Variants in AKR1E2 observed in about 807,000 individuals in gnomAD.
AKR1E2 encodes 1,5-anhydro-D-fructose reductase.
AKR1E2 carries 43 observed loss-of-function variants against 41.9 expected under a neutral mutation model. That is an observed-to-expected ratio of 1.03 (90% confidence interval 0.80 to 1.32). The LOEUF is 1.32. AKR1E2 is among the 40% of genes most tolerant of loss of function. AKR1E2 has a pLI of 0.00. For synonymous variants in AKR1E2, 121 were observed against 138.9 expected, an observed-to-expected ratio of 0.87 and a Z score of 0.91; for missense variants, 423 against 396.5, an observed-to-expected ratio of 1.07 and a Z score of -0.57.
chr10:4,832,420 C>T (rs977085421), intron 2 of AKR1E2, among the ~76,000 whole-genome samples: 5 of 152,080 alleles, frequency 3.3e-5, no homozygotes, highest in Non-Finnish European at 2.9e-5. Context: ...CTTGGCCAAG[C>T]GGGGAGAATG....
At chr10:4,835,622 TTTTTGTTTTG>T (rs61708526) in intron 3 of AKR1E2, 43 bp from the exon 4 acceptor site, 2 of 1,553,832 alleles carry the variant, frequency 1.3e-6, no homozygotes, top group Non-Finnish European at 8.7e-7. Flanking sequence ...CACATGGTTT[TTTTTGTTTTG>T]TTTTGTTTTG....
intron 5 of AKR1E2, 130 bp from the exon 6 acceptor site, chr10:4,839,599 A>C (rs1833707788): frequency 2.6e-6 from 2 of 772,602 alleles, no homozygotes; most frequent in African/African-American, 3.4e-5. Context: ...CACAACAGAA[A>C]CACTTAGGCC....
the AKR1E2 span, among the ~76,000 whole-genome samples, chr10:4,854,943 G>A: frequency 6.6e-6 from 1 of 152,168 alleles, no homozygotes; most frequent in African/African-American, 2.4e-5. Flanking sequence ...GGAATAATCT[G>A]CCTTGCCCTC....
Position 4,830,729 on chromosome 10 carries a change from C to G in AKR1E2, c.94C>G (p.Arg32Gly). Residue 32 changes from arginine (R) to glycine (G), a missense_variant, in exon 2 of 10, where the codon CGG becomes GGG. By Grantham distance (125) the Arg-to-Gly change is moderately radical (BLOSUM62 -2). Coordinates refer to ENST00000298375, the MANE Select transcript of AKR1E2 (RefSeq NM_001040177.3). Reference protein sequence around the residue: ...AVKEAIDAGYRHFDCAYFYHN... With the variant: ...AVKEAIDAGYGHFDCAYFYHN... ...GAAAGAGGCCATTGACGCAGGGTAC[C>G]GGCACTTCGACTGTGCTTACTTTTA... 1.9e-6 allele frequency: 3 copies of G among 1,614,084 alleles called. No homozygotes were observed. Among genetic ancestry groups the G allele is most frequent in the East Asian group, 2.2e-5 (1 of 44,868 alleles).
intron 9 of AKR1E2, 23 bp from the exon 10 acceptor site, chr10:4,847,465 T>G (rs969105710): frequency 1.2e-6 from 2 of 1,609,686 alleles, no homozygotes; most frequent in African/African-American, 2.7e-5. Context: ...TTCCTATTTT[T>G]GATTTGTTTT....
downstream of AKR1E2, among the ~76,000 whole-genome samples, chr10:4,848,530 G>A (rs941456406): frequency 5.3e-5 from 8 of 152,316 alleles, no homozygotes; most frequent in Admixed American, 2.0e-4. Flanking sequence ...CAACTCACAG[G>A]CCCTTGGCTC....
At chr10:4,841,764 C>T (rs1174782569) in intron 6 of AKR1E2, 21 bp from the exon 7 acceptor site, 2 of 1,593,056 alleles carry the variant, frequency 1.3e-6, no homozygotes, top group Non-Finnish European at 1.7e-6. Context: ...TGGCTCACTC[C>T]CCTGTACTGT....
the AKR1E2 span, among the ~76,000 whole-genome samples, chr10:4,855,030 A>G: frequency 3.9e-5 from 6 of 152,256 alleles, no homozygotes; most frequent in Non-Finnish European, 7.4e-5. Flanking sequence ...CTCCCTAAGA[A>G]GGGAAACTTG....
chr10:4,861,798 T>C, the AKR1E2 span, among the ~76,000 whole-genome samples: 1 of 152,196 alleles, frequency 6.6e-6, no homozygotes, highest in Non-Finnish European at 1.5e-5. Context: ...TCTTGTAAAT[T>C]TGTTGGAGTT....
the AKR1E2 span, among the ~76,000 whole-genome samples, chr10:4,866,639 G>GTTTTTTTTTTT: frequency 1.0e-4 from 11 of 107,824 alleles, no homozygotes; most frequent in South Asian, 3.2e-4. Context: ...TTTTGTTTTT[G>GTTTTTTTTTTT]TTTTTGTTTT....
At chr10:4,826,460 G>C in intron 1 of AKR1E2, 97 bp downstream of exon 1, 1 of 1,115,832 alleles carries the variant, frequency 9.0e-7, no homozygotes, top group South Asian at 4.5e-5. Context: ...GGAGAAGTGC[G>C]GCGGCCTCCC....
rs1051949832 is a variant in AKR1E2 at position 4,844,711 on chromosome 10, C to G, written c.837+2207C>G. ...GAGTGTCGATTGGTGCATTCACAAA[C>G]CGTGAGCTAGACACAGGGTGCTGAT... is the stretch of plus-strand genomic sequence containing the variant. On this transcript the variant is annotated intron_variant, in intron 8 of 9. Transcript: ENST00000298375. 2.0e-5 allele frequency among the ~76,000 whole-genome samples: 3 copies of G among 152,190 alleles called. No homozygotes were observed. In the East Asian group the frequency reaches 5.8e-4, roughly 29 times the overall value.
intron 1 of AKR1E2, among the ~76,000 whole-genome samples, chr10:4,827,941 G>T (rs571451817): frequency 6.6e-6 from 1 of 152,206 alleles, no homozygotes; most frequent in African/African-American, 2.4e-5. Context: ...AGTGAAAACT[G>T]TGCTTAACAG....
At chr10:4,848,508 G>A (rs1300663966), downstream of AKR1E2, among the ~76,000 whole-genome samples, 1 of 152,190 alleles carries the variant, frequency 6.6e-6, no homozygotes, top group South Asian at 2.1e-4. Context: ...GATCTCCAGG[G>A]ATATAACTTC....
the AKR1E2 span, among the ~76,000 whole-genome samples, chr10:4,854,870 GGT>G: frequency 6.6e-6 from 1 of 152,176 alleles, no homozygotes; most frequent in Non-Finnish European, 1.5e-5. Context: ...GGCCCCTCTG[GGT>G]AAAGTCTCTT....
At chr10:4,855,210 T>C in the AKR1E2 span, among the ~76,000 whole-genome samples, 1 of 152,186 alleles carries the variant, frequency 6.6e-6, no homozygotes, top group South Asian at 2.1e-4. Flanking sequence ...GTTGAATGAA[T>C]GGTAAAAATA....
At chr10:4,841,973 T>TG in intron 7 of AKR1E2, 116 bp downstream of exon 7, 2 of 866,828 alleles carry the variant, frequency 2.3e-6, no homozygotes, top group Non-Finnish European at 3.5e-6. Flanking sequence ...GGTGAGTCCA[T>TG]GACTCATTAG....
chr10:4,864,646 T>G, the AKR1E2 span, among the ~76,000 whole-genome samples: 1 of 152,228 alleles, frequency 6.6e-6, no homozygotes, highest in South Asian at 2.1e-4. Context: ...AGGTATTCAA[T>G]TAGGAAAAGA....
chr10:4,867,436 A>T, the AKR1E2 span, among the ~76,000 whole-genome samples: 1 of 152,198 alleles, frequency 6.6e-6, no homozygotes, highest in South Asian at 2.1e-4. Context: ...AATTGCATTC[A>T]GCTGTCTTCT....
Sources: gnomAD v4.1 joint callset for allele counts (sites outside exome capture counted in the v4.1 genomes callset) on GRCh38, gnomAD v4.1.1 for gene constraint, MANE v1.5 for transcripts, NCBI Gene and HGNC (gene_info 2026-07-23, HGNC 2026-07-21) for gene names.